HEG1: variants seen among roughly 807,000 people sequenced by gnomAD.
HEG1 encodes the protein protein HEG homolog 1.
HEG1 carries 56 observed loss-of-function variants against 125.6 expected under a neutral mutation model. The ratio of observed to expected loss-of-function variants is 0.45; its 90% CI spans 0.36 to 0.56. HEG1 has a LOEUF of 0.56. Ranked by LOEUF, HEG1 falls within the 20% of genes least tolerant of loss-of-function variation. The pLI is 0.00. For missense variants in HEG1, 1,523 were observed against 1,670.0 expected (o/e 0.91, Z 1.53); for synonymous variants, 644 against 668.5 (o/e 0.96, Z 0.57).
In HEG1 at chr3:124,997,812, A is replaced by G. The variant is rs775175426; in HGVS notation, c.3529T>C (p.Cys1177Arg). The G allele has an allele frequency of 6.3e-7, 1 of 1,575,726 alleles. No homozygotes were observed. Among genetic ancestry groups the G allele is most frequent in the South Asian group, 1.2e-5 (1 of 84,828 alleles). The part of the protein sequence containing the change: ...QRRIFRAGSL[C>R]KRKSPECDKD... ...TCACATTCGGGACTCTTCCGCTTGC[A>G]CAAGCTGCCCGCTGGAATGGAAAAA... Residue 1177 changes from cysteine to arginine, a missense_variant, in exon 12 of 17, where the codon TGC (cysteine) becomes CGC (arginine). Physicochemically the swap from Cys to Arg is radical, Grantham distance 180. Transcript: ENST00000311127.
chr3:125,000,704 C>T (rs181352894), intron 11 of HEG1, among the ~76,000 whole-genome samples: 1 of 151,980 alleles, frequency 6.6e-6, no homozygotes, highest in Non-Finnish European at 1.5e-5. Flanking sequence ...CTGTAATATA[C>T]AGGCCCACTC....
At chr3:125,015,871 G>A (rs934291021) in intron 5 of HEG1, among the ~76,000 whole-genome samples, 4 of 152,110 alleles carry the variant, frequency 2.6e-5, no homozygotes, top group Admixed American at 6.5e-5. Context: ...CTGTCAGTAC[G>A]CCATGGCCAT....
chr3:124,978,243 G>T (rs761261994), intron 14 of HEG1, among the ~76,000 whole-genome samples: 2 of 152,208 alleles, frequency 1.3e-5, no homozygotes, highest in African/African-American at 4.8e-5. Context: ...CGCCTCCTGG[G>T]TTCAAGCGAT....
rs1319883845 is a variant in HEG1, at chr3:125,023,411, C to T, written c.914-2281G>A. Reference sequence around the variant, plus strand: ...CCCTGACTCTGAGAGCTCTGCAGAACATTGCTTCTTTATCTCATTATCTCA... The same window carrying T: ...CCCTGACTCTGAGAGCTCTGCAGAATATTGCTTCTTTATCTCATTATCTCA... On this transcript the variant is annotated intron_variant, in intron 3 of 16. Coordinates refer to ENST00000311127, the MANE Select transcript of HEG1 (RefSeq NM_020733.2). 2.6e-5 allele frequency among the ~76,000 whole-genome samples: 4 copies of T among 152,250 alleles called. No individual in the cohort carries two copies. In the South Asian group the frequency reaches 6.2e-4, roughly 24 times the overall value.
At chr3:125,004,231 A>G (rs1350512401) in intron 9 of HEG1, among the ~76,000 whole-genome samples, 1 of 152,252 alleles carries the variant, frequency 6.6e-6, no homozygotes, top group African/African-American at 2.4e-5. Flanking sequence ...AAAGTCCTGT[A>G]GAAATGTATA....
rs1285821279 is a variant in HEG1, at chr3:125,047,488, G to C, written c.316+8087C>G. 2.0e-5 allele frequency among the ~76,000 whole-genome samples: 3 copies of C among 152,180 alleles called. No homozygotes were observed. In the East Asian group the frequency reaches 5.8e-4, roughly 29 times the overall value. ...TACAGCTGGCAAGTGGCACTGCTAG[G>C]GTTTGAATTGAGACTGTCTGACGCT... On this transcript the variant is annotated intron_variant, in intron 1 of 16. Transcript: ENST00000311127.
At chr3:125,015,442 G>GA (rs761105386) in intron 5 of HEG1, among the ~76,000 whole-genome samples, 56 of 152,324 alleles carry the variant, frequency 3.7e-4, no homozygotes, top group Non-Finnish European at 7.1e-4. Flanking sequence ...CTCCCGGAAG[G>GA]ACCAGGAATA....
At position 124,968,341 on chromosome 3, in the gene HEG1, T is replaced by A. The variant is rs890739069; in HGVS notation, c.*2311A>T. The A allele has an allele frequency of 6.6e-6, 1 of 152,264 alleles. No individual in the cohort carries two copies. Among genetic ancestry groups the A allele is most frequent in the East Asian group, 1.9e-4 (1 of 5,190 alleles). The allele number at this position is 152,264 out of a possible 1,614,324, so 9.4% of individuals were successfully genotyped here. On this transcript the variant is annotated 3_prime_UTR_variant, in exon 17 of 17. Coordinates refer to ENST00000311127, the MANE Select transcript of HEG1 (RefSeq NM_020733.2). ...AGAGCCTCATGCTCTGGAGGTGCCT[T>A]CCCCACCCCCAAACGCCTCCTGGAA...
At chr3:124,997,363 A>G (rs1244185832) in intron 12 of HEG1, among the ~76,000 whole-genome samples, 2 of 152,216 alleles carry the variant, frequency 1.3e-5, no homozygotes, top group Non-Finnish European at 2.9e-5. Flanking sequence ...AGCAGACAAC[A>G]GATAAAGCTT....
chr3:124,987,802 G>C (rs1936763849), intron 14 of HEG1, among the ~76,000 whole-genome samples: 2 of 151,122 alleles, frequency 1.3e-5, no homozygotes, highest in East Asian at 3.9e-4. Context: ...TTACAGGCGT[G>C]AGCCACAGCG....
chr3:125,010,518 G>A lies in HEG1; in HGVS notation c.2994C>T (p.Gly998=), dbSNP rs770382697. 2.1e-5 allele frequency: 32 copies of A among 1,559,534 alleles called. No individual in the cohort carries two copies. Among genetic ancestry groups the A allele is most frequent in the African/African-American group, 1.2e-4 (9 of 73,512 alleles). Residue 998 remains glycine (G), a synonymous_variant, in exon 7 of 17, where the codon GGC becomes GGT. Transcript: ENST00000311127. Reference sequence around the variant, plus strand: ...GGCTGGTGTTGTCTGCGACGCATTCGCCATTGTGAAGACAAGGGTTCACAG... The same window carrying A: ...GGCTGGTGTTGTCTGCGACGCATTCACCATTGTGAAGACAAGGGTTCACAG... The part of the protein sequence containing the change: ...SCAVNPCLHN[G]ECVADNTSRG...
At chr3:125,022,663 A>G (rs184513480) in intron 3 of HEG1, among the ~76,000 whole-genome samples, 2 of 151,352 alleles carry the variant, frequency 1.3e-5, no homozygotes, top group Non-Finnish European at 2.9e-5. Context: ...TAAACAAAAC[A>G]AACAAAACAC....
At chr3:125,023,401 C>G (rs1326592018) in intron 3 of HEG1, among the ~76,000 whole-genome samples, 4 of 152,200 alleles carry the variant, frequency 2.6e-5, no homozygotes, top group Admixed American at 2.0e-4. Flanking sequence ...ACTCTGAGAG[C>G]TCTGCAGAAC....
chr3:124,997,852 A>G, intron 11 of HEG1, 29 bp from the exon 12 acceptor site: 1 of 1,546,656 alleles, frequency 6.5e-7, no homozygotes. Flanking sequence ...ACAGTGAAAC[A>G]AAACAAAACC....
rs574396216 is a variant in HEG1, at chr3:125,031,182, C to T, written c.317-1694G>A. On this transcript the variant is annotated intron_variant, in intron 1 of 16. Coordinates refer to ENST00000311127, the MANE Select transcript of HEG1 (RefSeq NM_020733.2). Reference sequence around the variant, plus strand: ...GCAGGTGCGTGGGATGCCCAAGTCACGTCCAAGAAAGCTGCCCTGTTACTC... The same window carrying T: ...GCAGGTGCGTGGGATGCCCAAGTCATGTCCAAGAAAGCTGCCCTGTTACTC... Among the ~76,000 whole-genome samples, 148 of 152,238 alleles carry T rather than the reference C, an allele frequency of 9.7e-4. 1 individual carries two copies. Among genetic ancestry groups the T allele is most frequent in the African/African-American group, 3.4e-3 (140 of 41,538 alleles).
At chr3:125,052,221 G>A (rs1193968857) in intron 1 of HEG1, among the ~76,000 whole-genome samples, 1 of 120,218 alleles carries the variant, frequency 8.3e-6, no homozygotes, top group African/African-American at 3.3e-5. Context: ...CCAAGCCTCC[G>A]CCAGGAGTGA....
intron 14 of HEG1, 25 bp downstream of exon 14, chr3:124,990,762 T>A: frequency 6.4e-7 from 1 of 1,555,560 alleles, no homozygotes; most frequent in Non-Finnish European, 8.7e-7. Flanking sequence ...TGCCCACGCA[T>A]AATGGTCCAC....
Position 124,969,782 on chromosome 3 carries a change from C to G in HEG1, c.*870G>C, listed in dbSNP as rs1032548875. 2 of 97,978 alleles carry G rather than the reference C, an allele frequency of 2.0e-5. No individual in the cohort carries two copies. Among genetic ancestry groups the G allele is most frequent in the African/African-American group, 1.0e-4 (2 of 19,310 alleles). 6.1% of individuals were successfully genotyped at this position (97,978 alleles called of 1,614,324 possible). On this transcript the variant is annotated 3_prime_UTR_variant, in exon 17 of 17. Transcript: ENST00000311127. Reference sequence around the variant, plus strand: ...CTCCATACGCAGCTGCCTCTGGCCTCCACAATGGTGATCGAGTCCCAGGCC... The same window carrying G: ...CTCCATACGCAGCTGCCTCTGGCCTGCACAATGGTGATCGAGTCCCAGGCC...
At chr3:125,005,184 C>T in intron 9 of HEG1, 81 bp downstream of exon 9, 1 of 806,956 alleles carries the variant, frequency 1.2e-6, no homozygotes, top group South Asian at 1.6e-5. Context: ...ACACAGCTGA[C>T]CGCTAGGCAG....
Sources: allele counts gnomAD v4.1 joint callset (sites outside exome capture counted in the v4.1 genomes callset), GRCh38; gene constraint gnomAD v4.1.1; transcripts MANE v1.5; gene names NCBI Gene and HGNC (gene_info 2026-07-23, HGNC 2026-07-21).